TEX9: variants seen among roughly 807,000 people sequenced by gnomAD.
TEX9 encodes testis-expressed protein 9.
A neutral mutation model predicts 59.6 loss-of-function variants in TEX9; 74 were observed. The observed-to-expected ratio is 1.24, with a 90% CI of 1.03 to 1.51. TEX9 has a LOEUF of 1.51. TEX9 is among the 40% of genes most tolerant of loss of function. The probability of loss-of-function intolerance (pLI) is 0.00; values close to 1 mark genes in which losing one functional copy is unlikely to be tolerated. For missense variants in TEX9, 522 were observed against 447.8 expected, an observed-to-expected ratio of 1.17 and a Z score of -1.49; for synonymous variants, 186 against 152.2, an observed-to-expected ratio of 1.22 and a Z score of -1.64.
intron 1 of TEX9, among the ~76,000 whole-genome samples, chr15:56,321,702 T>G (rs2045907933): frequency 6.6e-6 from 1 of 152,162 alleles, no homozygotes. Flanking sequence ...ACATTCCCAT[T>G]AAAGCTTATA....
At chr15:56,268,458 G>C (rs1237524846) in intron 1 of TEX9, among the ~76,000 whole-genome samples, 6 of 152,092 alleles carry the variant, frequency 3.9e-5, no homozygotes, top group African/African-American at 1.2e-4. Flanking sequence ...ATTGGCTGTG[G>C]GTTTGTCGTA....
intron 3 of TEX9, among the ~76,000 whole-genome samples, chr15:56,378,924 TGTG>T (rs1411583812): frequency 6.6e-6 from 1 of 151,710 alleles, no homozygotes; most frequent in African/African-American, 2.4e-5. Flanking sequence ...ATTAGTCAGA[TGTG>T]GTGGTGCACG....
chr15:56,431,547 A>G lies in TEX9; in HGVS notation c.*29+3074A>G, dbSNP rs200555956. ...TTATCACAAAGTACATTAATCTTATACGAAGTTTTCAAATAAAACTACTCA... is the reference window on the plus strand; with the variant it reads ...TTATCACAAAGTACATTAATCTTATGCGAAGTTTTCAAATAAAACTACTCA... On this transcript the variant is annotated intron_variant, in intron 12 of 12. Coordinates refer to ENST00000352903, the Ensembl canonical transcript of TEX9. The G allele has an allele frequency of 7.4e-5, 119 of 1,598,950 alleles. No homozygotes were observed. In the Admixed American group the frequency reaches 8.2e-4, roughly 11 times the overall value.
At chr15:56,309,693 G>GGTTTTTT (rs2045560814) in intron 1 of TEX9, among the ~76,000 whole-genome samples, 2 of 60,772 alleles carry the variant, frequency 3.3e-5, no homozygotes, top group Non-Finnish European at 5.6e-5. Context: ...TTTATGGGAA[G>GGTTTTTT]TTTTTTTTTT....
intron 3 of TEX9, 83 bp from the exon 4 acceptor site, chr15:56,383,869 A>G: frequency 1.1e-6 from 1 of 935,806 alleles, no homozygotes; most frequent in East Asian, 2.5e-5. Flanking sequence ...TGAAATGATG[A>G]ATGTTCAGAG....
chr15:56,267,459 A>G (rs2044414699), intron 1 of TEX9, among the ~76,000 whole-genome samples: 1 of 152,170 alleles, frequency 6.6e-6, no homozygotes, highest in Admixed American at 6.5e-5. Flanking sequence ...GTATAGTTTT[A>G]AGTCTAACAT....
intron 2 of TEX9, 30 bp from the exon 3 acceptor site, chr15:56,373,411 C>A (rs781180155): frequency 1.8e-5 from 29 of 1,580,132 alleles, no homozygotes; most frequent in Non-Finnish European, 2.4e-5. Context: ...TTAAGATCTT[C>A]AGTATATCCC....
At chr15:56,276,125 T>G (rs2044661267) in intron 1 of TEX9, among the ~76,000 whole-genome samples, 1 of 152,152 alleles carries the variant, frequency 6.6e-6, no homozygotes, top group Non-Finnish European at 1.5e-5. Flanking sequence ...CTCCTTTGTA[T>G]TTTTCTTGGA....
At chr15:56,418,249 G>C (rs2049796463) in intron 10 of TEX9, among the ~76,000 whole-genome samples, 1 of 151,778 alleles carries the variant, frequency 6.6e-6, no homozygotes, top group African/African-American at 2.4e-5. Context: ...AGGTTGACTT[G>C]TTTGTGTAAT....
At position 56,326,293 on chromosome 15, in the gene TEX9, T is replaced by C. The variant is rs544625319; in HGVS notation, c.-106-47148T>C. ...TGAATGCATTCCATTTTTTCTTGCG[T>C]GTATCAGCCTTTTGATATTTGAAAG... On this transcript the variant is annotated intron_variant, in intron 1 of 5. Coordinates refer to the TEX9 transcript ENST00000560827. Among the ~76,000 whole-genome samples the C allele has an allele frequency of 2.7e-4, 41 of 152,242 alleles. 1 individual carries two copies. In the South Asian group the frequency reaches 8.5e-3, roughly 32 times the overall value.
At chr15:56,365,010 G>A (rs571828087), upstream of TEX9, among the ~76,000 whole-genome samples, 11 of 152,268 alleles carry the variant, frequency 7.2e-5, no homozygotes, top group Non-Finnish European at 1.6e-4. Context: ...CTGAGTCTTA[G>A]CCATGCATGC....
the TEX9 span, chr15:56,456,627 TTGA>T: frequency 9.5e-7 from 1 of 1,053,556 alleles, no homozygotes; most frequent in Non-Finnish European, 1.4e-6. Flanking sequence ...AGGCCAACAA[TTGA>T]TGATGTTTTA....
exon 12 of TEX9, chr15:56,428,451 T>C (rs1343575045): frequency 6.3e-7 from 1 of 1,599,292 alleles, no homozygotes; most frequent in Non-Finnish European, 8.6e-7. Flanking sequence ...ATAAGTGATC[T>C]ACTTCAGTTA....
chr15:56,434,323 C>A (rs759787833), intron 12 of TEX9: 21 of 1,613,706 alleles, frequency 1.3e-5, no homozygotes, highest in South Asian at 3.3e-5. Context: ...AGCACTAATT[C>A]CTTCAAGGCC....
At chr15:56,453,635 T>C in the TEX9 span, among the ~76,000 whole-genome samples, 2 of 152,196 alleles carry the variant, frequency 1.3e-5, no homozygotes, top group African/African-American at 4.8e-5. Context: ...TACATTTAGT[T>C]AATTGGGCAA....
intron 1 of TEX9, among the ~76,000 whole-genome samples, chr15:56,339,466 A>G (rs958113431): frequency 6.1e-5 from 9 of 146,376 alleles, no homozygotes; most frequent in Admixed American, 4.2e-4. Flanking sequence ...ACTGTTTTCC[A>G]TCCCATGTAA....
At chr15:56,425,477 T>C (rs1217650505) in intron 10 of TEX9, among the ~76,000 whole-genome samples, 1 of 152,170 alleles carries the variant, frequency 6.6e-6, no homozygotes, top group Admixed American at 6.6e-5. Context: ...TTCTTTCTTA[T>C]ACCTGTACAG....
At chr15:56,249,154 T>C (rs1346954065) in intron 1 of TEX9, 1 of 152,226 alleles carries the variant, frequency 6.6e-6, no homozygotes, top group Non-Finnish European at 1.5e-5. Context: ...GATAATTTAT[T>C]GAGCTATTTA....
At chr15:56,271,874 C>T (rs2044541317) in intron 1 of TEX9, among the ~76,000 whole-genome samples, 1 of 152,194 alleles carries the variant, frequency 6.6e-6, no homozygotes, top group Non-Finnish European at 1.5e-5. Flanking sequence ...GGCACGGTGG[C>T]TCACGCCTGT....
Sources: allele counts gnomAD v4.1 joint callset (sites outside exome capture counted in the v4.1 genomes callset), GRCh38; gene constraint gnomAD v4.1.1; transcripts MANE v1.5; gene names NCBI Gene and HGNC (gene_info 2026-07-23, HGNC 2026-07-21).